Variants in CLCN4 observed in about 807,000 individuals in gnomAD.
CLCN4 encodes H(+)/Cl(-) exchange transporter 4.
Under a neutral mutation model 41.7 loss-of-function variants are expected in CLCN4, and 1 was observed. The ratio of observed to expected loss-of-function variants is 0.02; its 90% CI spans 0.01 to 0.11. The LOEUF is 0.11. CLCN4 is among the 10% of genes least tolerant of loss of function. The pLI is 1.00. For missense variants in CLCN4, 287 were observed against 661.0 expected (o/e 0.43, Z 6.20); for synonymous variants, 277 against 285.8 (o/e 0.97, Z 0.31).
intron 6 of CLCN4, among the ~76,000 whole-genome samples, chrX:10,202,992 G>A (rs1924281886): frequency 8.9e-6 from 1 of 111,751 alleles, no homozygotes; most frequent in Non-Finnish European, 1.9e-5. Context: ...CAAGTGATTG[G>A]ATTTTGCCAT....
In CLCN4 at chrX:10,206,523, C is replaced by A. The variant is rs1301050680; in HGVS notation, c.721C>A (p.Leu241Ile). Reference protein sequence around the residue: ...ACCCGNFFSSLFSKYSKNEGK... With the variant: ...ACCCGNFFSSIFSKYSKNEGK... ...TTGCTGTGGCAACTTCTTCAGCAGCCTTTTCTCCAAGTACAGCAAGAATGA... is the reference window on the plus strand; with the variant it reads ...TTGCTGTGGCAACTTCTTCAGCAGCATTTTCTCCAAGTACAGCAAGAATGA... Residue 241 changes from leucine (L) to isoleucine (I), a missense_variant, in exon 7 of 13, where the codon CTT becomes ATT. This residue lies in a region of CLCN4 where 90 missense variants were observed against 209.8 expected (regional missense o/e 0.43). Coordinates refer to ENST00000380833, the MANE Select transcript of CLCN4 (RefSeq NM_001830.4). 1 of 1,210,659 alleles carries A rather than the reference C, an allele frequency of 8.3e-7. No individual in the cohort carries two copies. The highest frequency in any genetic ancestry group is 1.8e-5 in the South Asian group (1 of 56,657).
intron 2 of CLCN4, among the ~76,000 whole-genome samples, chrX:10,162,598 C>T (rs946889075): frequency 3.6e-5 from 4 of 112,285 alleles, no homozygotes; most frequent in African/African-American, 1.3e-4. Flanking sequence ...TTCTTGAGAT[C>T]TCTTTAATGT....
rs770924090 is a variant in CLCN4, at chrX:10,185,040, A to G, written c.8A>G (p.Asn3Ser). Residue 3 changes from asparagine (N) to serine (S), a missense_variant, in exon 3 of 13, where the codon AAT (asparagine) becomes AGT (serine). Physicochemically the swap from Asn to Ser is conservative, Grantham distance 46. Transcript: ENST00000380833. ...TGCCCAGGTGTAATTAGCATGGTCA[A>G]TGCGGGAGCGATGAGTGGCTCTGGA... is the stretch of plus-strand genomic sequence containing the variant. MV[N>S]AGAMSGSGNL... 1 of 1,207,816 alleles carries G rather than the reference A, an allele frequency of 8.3e-7. No individual in the cohort carries two copies. The highest frequency in any genetic ancestry group is 2.2e-5 in the Admixed American group (1 of 45,778).
At chrX:10,188,009 C>T (rs1288210239) in intron 4 of CLCN4, among the ~76,000 whole-genome samples, 3 of 112,113 alleles carry the variant, frequency 2.7e-5, no homozygotes, top group East Asian at 2.8e-4. Context: ...CTCCACCTCC[C>T]GGGGTTGAAC....
At position 10,213,477 on chromosome X, in the gene CLCN4, T is replaced by G. The variant is rs144226298; in HGVS notation, c.1577-204T>G. On this transcript the variant is annotated intron_variant, in intron 10 of 12. Coordinates refer to ENST00000380833, the MANE Select transcript of CLCN4 (RefSeq NM_001830.4). ...CATTGGAGCAGAGGCCCCAGTGAGA[T>G]GCAACTTCAGGCTCCCCAACGCAAA... Among the ~76,000 whole-genome samples the G allele has an allele frequency of 0.021, 2,323 of 111,993 alleles. 21 individuals are homozygous for G. The highest frequency in any genetic ancestry group is 0.031 in the Non-Finnish European group (1,648 of 53,111).
intron 2 of CLCN4, among the ~76,000 whole-genome samples, chrX:10,176,608 C>G (rs1201458396): frequency 8.9e-6 from 1 of 112,020 alleles, no homozygotes; most frequent in Non-Finnish European, 1.9e-5. Context: ...GCAGTTTCTA[C>G]CCTGCCCACG....
chrX:10,221,475 G>T (rs760039244), intron 12 of CLCN4, among the ~76,000 whole-genome samples: 4 of 110,600 alleles, frequency 3.6e-5, no homozygotes, highest in African/African-American at 9.9e-5. Context: ...AGCCTGGGTC[G>T]CAAGACCCTA....
intron 12 of CLCN4, among the ~76,000 whole-genome samples, chrX:10,221,093 G>A (rs1490243213): frequency 9.0e-6 from 1 of 111,238 alleles, no homozygotes; most frequent in Non-Finnish European, 1.9e-5. Flanking sequence ...GGTCCAGGCT[G>A]GACTGCTGCC....
At chrX:10,219,817 A>G (rs932568253) in intron 11 of CLCN4, among the ~76,000 whole-genome samples, 1 of 112,452 alleles carries the variant, frequency 8.9e-6, no homozygotes, top group Non-Finnish European at 1.9e-5. Flanking sequence ...TAAAATTCCA[A>G]CAGAAGGAAA....
intron 2 of CLCN4, among the ~76,000 whole-genome samples, chrX:10,165,122 C>T (rs1349752875): frequency 8.8e-6 from 1 of 113,086 alleles, no homozygotes. Flanking sequence ...TTCATGGAAG[C>T]CCCTGCCTGC....
intron 4 of CLCN4, among the ~76,000 whole-genome samples, chrX:10,188,354 C>T (rs923006239): frequency 8.9e-6 from 1 of 112,524 alleles, no homozygotes; most frequent in Non-Finnish European, 1.9e-5. Flanking sequence ...CTGGAAACAT[C>T]CTGCAACAGT....
chrX:10,180,543 G>A, intron 2 of CLCN4, among the ~76,000 whole-genome samples: 1 of 110,410 alleles, frequency 9.1e-6, no homozygotes, highest in East Asian at 2.8e-4. Flanking sequence ...CGAGGTGGGC[G>A]GATCACCTGA....
At chrX:10,233,347 C>T (rs1925170480) in intron 12 of CLCN4, 147 bp from the exon 13 acceptor site, 1 of 447,233 alleles carries the variant, frequency 2.2e-6, no homozygotes, top group Non-Finnish European at 4.0e-6. Flanking sequence ...GGCCAGTGCT[C>T]CCTCCATTGG....
chrX:10,226,803 AATAG>A lies in CLCN4; in HGVS notation c.2192+5930_2192+5933del, dbSNP rs761813013. On this transcript the variant is annotated intron_variant, in intron 12 of 12. Coordinates refer to ENST00000380833, the MANE Select transcript of CLCN4 (RefSeq NM_001830.4). ...TAAATAAACTAGAAAATCTAGAAGA[AATAG>A]ATAAATTCCTGGATGCATACACCCT... Among the ~76,000 whole-genome samples the A allele has an allele frequency of 7.1e-4, 79 of 111,276 alleles. No individual in the cohort carries two copies. In the South Asian group the frequency reaches 0.028, roughly 40 times the overall value.
chrX:10,201,751 G>A (rs927982282), intron 6 of CLCN4, among the ~76,000 whole-genome samples: 3 of 112,269 alleles, frequency 2.7e-5, no homozygotes, highest in South Asian at 7.2e-4. Context: ...ATCCTCCCTA[G>A]CATTTGTTTC....
chrX:10,212,531 T>C lies in CLCN4; in HGVS notation c.1454T>C (p.Ile485Thr), dbSNP rs751819949. 3 of 1,210,114 alleles carry C rather than the reference T, an allele frequency of 2.5e-6. No homozygotes were observed. Among genetic ancestry groups the C allele is most frequent in the Non-Finnish European group, 3.4e-6 (3 of 895,199 alleles). Residue 485 changes from isoleucine (I) to threonine (T), a missense_variant, in exon 10 of 13, where the codon ATT becomes ACT. Physicochemically the swap from Ile to Thr is moderately conservative, Grantham distance 89. This residue lies in a region of CLCN4 where 94 missense variants were observed against 177.9 expected (regional missense o/e 0.53). Coordinates refer to ENST00000380833, the MANE Select transcript of CLCN4 (RefSeq NM_001830.4). Reference protein sequence around the residue: ...VGAIAGRMVGIGVEQLAYHHH... With the variant: ...VGAIAGRMVGTGVEQLAYHHH... ...GCGATAGCGGGCAGGATGGTGGGAATTGGCGTGGAGCAGCTGGCCTACCAT... is the reference window on the plus strand; with the variant it reads ...GCGATAGCGGGCAGGATGGTGGGAACTGGCGTGGAGCAGCTGGCCTACCAT...
Position 10,204,613 on chromosome X carries a change from C to CTTTTT in CLCN4, c.556-1713_556-1709dup, listed in dbSNP as rs61453535. The stretch of plus-strand genomic sequence containing the variant: ...CTATTCTCACCAGAAAGCTAGTAGT[C>CTTTTT]TTTTTTTTTTTTTTTTTTTTTTTTT... On this transcript the variant is annotated intron_variant, in intron 6 of 12. Coordinates refer to ENST00000380833, the MANE Select transcript of CLCN4 (RefSeq NM_001830.4). Among the ~76,000 whole-genome samples the CTTTTT allele has an allele frequency of 2.6e-3, 71 of 27,349 alleles. 32 individuals carry two copies. In the East Asian group the frequency reaches 0.057, roughly 22 times the overall value. 23.7% of individuals were successfully genotyped at this position (27,349 alleles called of 115,157 possible).
intron 11 of CLCN4, among the ~76,000 whole-genome samples, chrX:10,220,136 G>C (rs1401559114): frequency 1.8e-5 from 2 of 111,987 alleles, no homozygotes; most frequent in African/African-American, 6.5e-5. Flanking sequence ...GTTTGGGATT[G>C]AGCTGCATTT....
Position 10,202,115 on chromosome X carries a change from T to C in CLCN4, c.555+4054T>C, listed in dbSNP as rs148706730. Among the ~76,000 whole-genome samples, 580 of 111,987 alleles carry C rather than the reference T, an allele frequency of 5.2e-3. 4 individuals are homozygous for C. Among genetic ancestry groups the C allele is most frequent in the African/African-American group, 0.018 (555 of 30,797 alleles). On this transcript the variant is annotated intron_variant, in intron 6 of 12. Transcript: ENST00000380833. ...ACTTTCAGAGGCCAAGGTGGGAAGA[T>C]TGCTTGAGCCCAGGAGTTCAAGACC...
Sources: gnomAD v4.1 joint callset for allele counts (sites outside exome capture counted in the v4.1 genomes callset) on GRCh38, gnomAD v4.1.1 for gene constraint, gnomAD v4.1.1 regional missense constraint, MANE v1.5 for transcripts, NCBI Gene and HGNC (gene_info 2026-07-23, HGNC 2026-07-21) for gene names.